DENND1B: variants seen among roughly 807,000 people sequenced by gnomAD.
The protein encoded by DENND1B is DENN domain-containing protein 1B.
In DENND1B, 59 loss-of-function variants were observed where a neutral mutation model predicts 90.1. The observed-to-expected ratio is 0.65, with a 90% confidence interval of 0.53 to 0.81. The LOEUF is 0.81. DENND1B is among the 40% of genes least tolerant of loss of function. DENND1B has a pLI of 0.00. For synonymous variants in DENND1B, 337 were observed against 324.6 expected, an observed-to-expected ratio of 1.04 and a Z score of -0.41; for missense variants, 862 against 912.6, an observed-to-expected ratio of 0.94 and a Z score of 0.71.
At chr1:197,614,232 CTTG>C (rs1198682718) in intron 11 of DENND1B, among the ~76,000 whole-genome samples, 1 of 150,962 alleles carries the variant, frequency 6.6e-6, no homozygotes, top group African/African-American at 2.4e-5. Flanking sequence ...AATGGGATCA[CTTG>C]TTATCTCCAC....
At chr1:197,568,325 C>A (rs561580927) in intron 15 of DENND1B, among the ~76,000 whole-genome samples, 1 of 152,094 alleles carries the variant, frequency 6.6e-6, no homozygotes, top group African/African-American at 2.4e-5. Flanking sequence ...AGCTATAACA[C>A]TAATAAAAGA....
At chr1:197,548,692 T>G (rs1292374197) in intron 16 of DENND1B, among the ~76,000 whole-genome samples, 1 of 152,090 alleles carries the variant, frequency 6.6e-6, no homozygotes, top group Non-Finnish European at 1.5e-5. Context: ...CTAAGACTGC[T>G]AAATAAAATA....
intron 18 of DENND1B, among the ~76,000 whole-genome samples, chr1:197,542,163 C>A (rs1045014124): frequency 6.6e-6 from 1 of 152,082 alleles, no homozygotes; most frequent in African/African-American, 2.4e-5. Flanking sequence ...AAAATGGAGA[C>A]CTAACAAGAA....
intron 20 of DENND1B, among the ~76,000 whole-genome samples, chr1:197,529,719 T>C (rs1669484524): frequency 6.6e-6 from 1 of 152,196 alleles, no homozygotes; most frequent in African/African-American, 2.4e-5. Context: ...TGTTAGTAAA[T>C]GTTTACAAGT....
chr1:197,679,453 T>A (rs1008329336), intron 3 of DENND1B, among the ~76,000 whole-genome samples: 1 of 151,712 alleles, frequency 6.6e-6, no homozygotes, highest in East Asian at 1.9e-4. Flanking sequence ...AATCTAGAGA[T>A]GATCTAAAAT....
At chr1:197,629,295 A>C (rs556088447) in intron 10 of DENND1B, among the ~76,000 whole-genome samples, 1 of 152,210 alleles carries the variant, frequency 6.6e-6, no homozygotes, top group Non-Finnish European at 1.5e-5. Context: ...CAACAATGAT[A>C]GACTGGATTA....
At chr1:197,725,947 A>G (rs1172734149) in intron 2 of DENND1B, among the ~76,000 whole-genome samples, 1 of 152,106 alleles carries the variant, frequency 6.6e-6, no homozygotes, top group Non-Finnish European at 1.5e-5. Flanking sequence ...CCTCTTAGGA[A>G]AAGAACTTAC....
At chr1:197,705,998 A>G (rs1322983925) in intron 3 of DENND1B, among the ~76,000 whole-genome samples, 3 of 1,082 alleles carry the variant, frequency 2.8e-3, no homozygotes, top group Non-Finnish European at 3.7e-3. Flanking sequence ...TTTGAGTGTA[A>G]TTTCTAAGTC....
chr1:197,765,983 A>C (rs1183806436), intron 2 of DENND1B, among the ~76,000 whole-genome samples: 1 of 152,218 alleles, frequency 6.6e-6, no homozygotes, highest in African/African-American at 2.4e-5. Flanking sequence ...AAAAGTACAT[A>C]TATTCTCAAC....
At chr1:197,643,099 G>A (rs1321020733) in intron 9 of DENND1B, among the ~76,000 whole-genome samples, 1 of 151,992 alleles carries the variant, frequency 6.6e-6, no homozygotes, top group Non-Finnish European at 1.5e-5. Context: ...TTGAAAAGAA[G>A]CTAATTTCCT....
At chr1:197,595,083 G>T in intron 14 of DENND1B, 125 bp downstream of exon 14, 2 of 1,271,894 alleles carry the variant, frequency 1.6e-6, no homozygotes, top group Non-Finnish European at 2.1e-6. Context: ...CATTATTTTG[G>T]ATCTTAAAAG....
rs1362179375 is a variant in DENND1B at position 197,707,969 on chromosome 1, C to A, written c.126+7062G>T. On this transcript the variant is annotated intron_variant, in intron 3 of 22. Transcript: ENST00000620048. ...TCCAAGTCAAAGAAAGGGGTGACGG[C>A]CGCACCCGGAAAATCAGGTCACTCC... is the stretch of plus-strand genomic sequence containing the variant. Among the ~76,000 whole-genome samples, 66 of 152,050 alleles carry A rather than the reference C, an allele frequency of 4.3e-4. No homozygotes were observed. The East Asian group carries it at 0.012, about 27-fold the overall frequency.
At chr1:197,621,060 A>G (rs4282851) in intron 10 of DENND1B, among the ~76,000 whole-genome samples, 79,877 of 150,994 alleles carry the variant, frequency 0.53, 22,020 homozygotes, top group East Asian at 0.66. Flanking sequence ...AGGTGAGAAC[A>G]TGCTTGGCAT....
intron 3 of DENND1B, among the ~76,000 whole-genome samples, chr1:197,677,420 G>A (rs1283688324): frequency 6.6e-6 from 1 of 152,026 alleles, no homozygotes; most frequent in Non-Finnish European, 1.5e-5. Flanking sequence ...TTTACTTACG[G>A]TCCTTATCAC....
At chr1:197,526,773 G>A (rs994151549) in intron 20 of DENND1B, among the ~76,000 whole-genome samples, 1 of 152,128 alleles carries the variant, frequency 6.6e-6, no homozygotes, top group Non-Finnish European at 1.5e-5. Flanking sequence ...TGAAGTCCAA[G>A]CAAGTTATTG....
intron 14 of DENND1B, 29 bp downstream of exon 14, chr1:197,595,179 T>C: frequency 6.3e-7 from 1 of 1,589,030 alleles, no homozygotes; most frequent in South Asian, 1.2e-5. Flanking sequence ...AAAAAGCAAA[T>C]TAAAACAGTG....
chr1:197,526,653 C>T (rs1669153445), intron 20 of DENND1B, among the ~76,000 whole-genome samples: 1 of 152,038 alleles, frequency 6.6e-6, no homozygotes, highest in East Asian at 1.9e-4. Context: ...TACATGTCAA[C>T]TTTAAAATGT....
At chr1:197,778,266 T>C (rs998109639), upstream of DENND1B, among the ~76,000 whole-genome samples, 6 of 152,254 alleles carry the variant, frequency 3.9e-5, no homozygotes, top group African/African-American at 1.4e-4. Flanking sequence ...ATTCAAACTT[T>C]CTAAACCATC....
Position 197,752,175 on chromosome 1 carries a change from C to T in DENND1B, c.82+20693G>A, listed in dbSNP as rs898870804. On this transcript the variant is annotated intron_variant, in intron 2 of 22. Transcript: ENST00000620048. Reference sequence around the variant, plus strand: ...CTAATAAAAAAAGAGAGGTGATATGCGAATTATTAATATTGGAAGAAAAGG... The same window carrying T: ...CTAATAAAAAAAGAGAGGTGATATGTGAATTATTAATATTGGAAGAAAAGG... Among the ~76,000 whole-genome samples the T allele has an allele frequency of 2.6e-5, 4 of 151,540 alleles. 1 individual carries two copies. Among genetic ancestry groups the T allele is most frequent in the South Asian group, 4.1e-4 (2 of 4,820 alleles).
Sources: gnomAD v4.1 joint callset for allele counts (sites outside exome capture counted in the v4.1 genomes callset) on GRCh38, gnomAD v4.1.1 for gene constraint, MANE v1.5 for transcripts, NCBI Gene and HGNC (gene_info 2026-07-23, HGNC 2026-07-21) for gene names.